Variants in STAM observed in about 807,000 individuals in gnomAD.
STAM encodes signal transducing adaptor molecule.
In STAM, 16 loss-of-function variants were observed where a neutral mutation model predicts 63.4. That is an observed-to-expected ratio of 0.25 (90% CI 0.17 to 0.38). The LOEUF (loss-of-function observed/expected upper bound fraction) is 0.38, where lower values mean the gene tolerates loss of function less well. Among genes scored for constraint, STAM ranks in the 10% least tolerant of loss-of-function variants. The pLI is 1.00. For missense variants in STAM, 636 were observed against 657.1 expected (o/e 0.97, Z 0.35); for synonymous variants, 238 against 223.9 (o/e 1.06, Z -0.56).
intron 5 of STAM, among the ~76,000 whole-genome samples, chr10:17,692,175 G>C (rs1564558354): frequency 6.6e-6 from 1 of 152,194 alleles, no homozygotes; most frequent in Non-Finnish European, 1.5e-5. Flanking sequence ...CATCCAGCTA[G>C]AAAGTGGTAG....
At chr10:17,700,117 TTG>T in intron 8 of STAM, 72 bp from the exon 9 acceptor site, 1 of 1,254,682 alleles carries the variant, frequency 8.0e-7, no homozygotes, top group Non-Finnish European at 1.1e-6. Context: ...CAAATCTCTC[TTG>T]GAAGTTAAAG....
At chr10:17,691,472 C>T (rs2131646240) in intron 5 of STAM, among the ~76,000 whole-genome samples, 1 of 152,220 alleles carries the variant, frequency 6.6e-6, no homozygotes, top group African/African-American at 2.4e-5. Context: ...GAGCCAAGAT[C>T]TCGCCACTGT....
At chr10:17,705,817 C>A in intron 12 of STAM, 76 bp downstream of exon 12, 1 of 1,437,644 alleles carries the variant, frequency 7.0e-7, no homozygotes, top group East Asian at 2.4e-5. Flanking sequence ...CCTGTAATCT[C>A]AGCAATTTGG....
chr10:17,664,348 A>G (rs1024206592), intron 2 of STAM, among the ~76,000 whole-genome samples: 33 of 152,158 alleles, frequency 2.2e-4, no homozygotes, highest in Non-Finnish European at 5.9e-5. Flanking sequence ...GTATACTCAC[A>G]TGCCCGCTGT....
chr10:17,662,196 T>G (rs190761892), intron 2 of STAM, among the ~76,000 whole-genome samples: 8 of 152,362 alleles, frequency 5.3e-5, no homozygotes, highest in Non-Finnish European at 1.0e-4. Flanking sequence ...CTTAGTCTTC[T>G]GAATCATGCA....
intron 5 of STAM, among the ~76,000 whole-genome samples, chr10:17,690,874 GTTA>G (rs1835501009): frequency 6.6e-6 from 1 of 152,282 alleles, no homozygotes; most frequent in East Asian, 1.9e-4. Flanking sequence ...TAAGACAAGT[GTTA>G]TTGTTACATT....
intron 2 of STAM, among the ~76,000 whole-genome samples, chr10:17,675,786 T>A (rs1834829418): frequency 6.6e-6 from 1 of 150,704 alleles, no homozygotes; most frequent in South Asian, 2.1e-4. Flanking sequence ...CAGAGTTCTT[T>A]GGTACCTATT....
intron 5 of STAM, 63 bp from the exon 6 acceptor site, chr10:17,693,159 G>C (rs1381259388): frequency 4.8e-6 from 7 of 1,448,872 alleles, no homozygotes; most frequent in Non-Finnish European, 6.7e-6. Context: ...AAATTCTTAG[G>C]GTGGGTGAGA....
At chr10:17,678,974 T>C (rs191914884) in intron 2 of STAM, among the ~76,000 whole-genome samples, 61 of 152,366 alleles carry the variant, frequency 4.0e-4, no homozygotes, top group South Asian at 2.9e-3. Context: ...TCCTTAAGGC[T>C]GAATACTATT....
At chr10:17,660,676 A>T (rs1834131745) in intron 2 of STAM, 128 bp downstream of exon 2, 1 of 586,376 alleles carries the variant, frequency 1.7e-6, no homozygotes, top group East Asian at 3.1e-5. Context: ...GCTTGAGCCC[A>T]GGAGTTAGAG....
chr10:17,692,107 T>C (rs782241617), intron 5 of STAM, among the ~76,000 whole-genome samples: 2 of 152,176 alleles, frequency 1.3e-5, no homozygotes, highest in Non-Finnish European at 2.9e-5. Context: ...GGTGCTATTA[T>C]CGTAGTCATT....
At chr10:17,705,995 A>G (rs1836250014) in intron 12 of STAM, among the ~76,000 whole-genome samples, 1 of 151,922 alleles carries the variant, frequency 6.6e-6, no homozygotes, top group African/African-American at 2.4e-5. Flanking sequence ...TTGAGCCCAG[A>G]AGGTCGAGGC....
At chr10:17,686,883 A>G (rs1373415018) in intron 4 of STAM, among the ~76,000 whole-genome samples, 4 of 152,142 alleles carry the variant, frequency 2.6e-5, no homozygotes, top group African/African-American at 9.7e-5. Flanking sequence ...TTATTTAGTA[A>G]GCATTGGTTT....
Position 17,644,335 on chromosome 10 carries a change from C to T in STAM, c.-5C>T, listed in dbSNP as rs17141457. The T allele has an allele frequency of 0.073, 117,936 of 1,613,792 alleles. 4,624 individuals carry two copies. The highest frequency in any genetic ancestry group is 0.13 in the Middle Eastern group (794 of 6,060). ...TCCCCGGGGACACCTCGGCACGCAG[C>T]GGAGATGCCTCTTTTTGCCACCAAT... On this transcript the variant is annotated 5_prime_UTR_variant, in exon 1 of 14. Transcript: ENST00000377524.
chr10:17,676,510 AGCTGC>A (rs1834863270), intron 2 of STAM, among the ~76,000 whole-genome samples: 6 of 152,330 alleles, frequency 3.9e-5, no homozygotes, highest in African/African-American at 1.4e-4. Flanking sequence ...AGACATTGGA[AGCTGC>A]AACGGTATAG....
chr10:17,657,187 C>G (rs1163520956), intron 1 of STAM, among the ~76,000 whole-genome samples: 7 of 152,106 alleles, frequency 4.6e-5, no homozygotes, highest in African/African-American at 1.4e-4. Context: ...TCCCTGGTGC[C>G]TGCATTCATT....
chr10:17,696,335 G>A (rs1334902693), intron 7 of STAM, among the ~76,000 whole-genome samples: 6 of 151,884 alleles, frequency 4.0e-5, no homozygotes, highest in Non-Finnish European at 7.4e-5. Flanking sequence ...ACTGTGAACA[G>A]TGTCATCTTT....
At chr10:17,687,932 A>G (rs1487498807) in intron 4 of STAM, 95 bp from the exon 5 acceptor site, 1 of 1,118,028 alleles carries the variant, frequency 8.9e-7, no homozygotes, top group African/African-American at 1.6e-5. Context: ...TTGTGATTCA[A>G]AAAACATCAC....
At chr10:17,714,443 T>A in intron 13 of STAM, 100 bp from the exon 14 acceptor site, 1 of 1,109,022 alleles carries the variant, frequency 9.0e-7, no homozygotes, top group Non-Finnish European at 1.4e-6. Flanking sequence ...TTAAATGAAT[T>A]GACTATATGA....
Sources: allele counts gnomAD v4.1 joint callset (sites outside exome capture counted in the v4.1 genomes callset), GRCh38; gene constraint gnomAD v4.1.1; transcripts MANE v1.5; gene names NCBI Gene and HGNC (gene_info 2026-07-23, HGNC 2026-07-21).